SLC44A4: variants seen among roughly 807,000 people sequenced by gnomAD.
The protein encoded by SLC44A4 is solute carrier family 44 member 4.
Under a neutral mutation model 97.0 loss-of-function variants are expected in SLC44A4, and 74 were observed. The observed-to-expected ratio is 0.76, with a 90% confidence interval of 0.63 to 0.93. SLC44A4 has a LOEUF of 0.93. SLC44A4 is among the 40% of genes least tolerant of loss of function. The pLI, the probability that SLC44A4 is intolerant of heterozygous loss-of-function variation, is 0.00. For missense variants in SLC44A4, 799 were observed against 902.9 expected, an observed-to-expected ratio of 0.88 and a Z score of 1.48; for synonymous variants, 325 against 363.8, an observed-to-expected ratio of 0.89 and a Z score of 1.21.
In SLC44A4 at chr6:31,863,889, C is replaced by T. The variant is rs536475545; in HGVS notation, c.2012-141G>A. The T allele has an allele frequency of 1.4e-4, 153 of 1,101,722 alleles. No homozygotes were observed. In the African/African-American group the frequency reaches 2.1e-3, roughly 15 times the overall value. The allele number at this position is 1,101,722 out of a possible 1,614,324, so 68.2% of individuals were successfully genotyped here. A position where few individuals can be genotyped will look rare whatever the true frequency, so the allele number is the denominator to read the frequency against. ...GCAGGTTATGTAATCTCAGTTTCCTCCTGTGAAGTGGGGTCGGGAATATTA... is the reference window on the plus strand; with the variant it reads ...GCAGGTTATGTAATCTCAGTTTCCTTCTGTGAAGTGGGGTCGGGAATATTA... On this transcript the variant is annotated intron_variant, in intron 20 of 20. Coordinates refer to ENST00000229729, the MANE Select transcript of SLC44A4 (RefSeq NM_025257.3).
In SLC44A4 at chr6:31,865,047, C is replaced by A. The variant is rs1250224502; in HGVS notation, c.1794G>T (p.Leu598=). 6.2e-7 allele frequency: 1 copy of A among 1,613,508 alleles called. No homozygotes were observed. The highest frequency in any genetic ancestry group is 2.2e-5 in the East Asian group (1 of 44,906). ...CCACCAGCAGCTTCCCAAAGAACAGCAGCAGGTCTGTGACTTTGTCCAGGA... is the reference window on the plus strand; with the variant it reads ...CCACCAGCAGCTTCCCAAAGAACAGAAGCAGGTCTGTGACTTTGTCCAGGA... ...VVVLDKVTDL[L]LFFGKLLVVG... Residue 598 remains leucine (L), a synonymous_variant, in exon 18 of 21, where the codon CTG becomes CTT. Coordinates refer to ENST00000229729, the MANE Select transcript of SLC44A4 (RefSeq NM_025257.3). The surrounding 1 kb of genome is among the most constrained non-coding windows in gnomAD (Gnocchi z 5.2).
chr6:31,877,049 C>A lies in SLC44A4; in HGVS notation c.74G>T (p.Gly25Val). ...KPVKYDPSFRGPIKNRSCTDV... is the reference protein window; with the variant it reads ...KPVKYDPSFRVPIKNRSCTDV... Reference sequence around the variant, plus strand: ...CAGAGCTCACCTGTTCTTGATGGGGCCTCGAAAGGAGGGGTCGTATTTGAC... The same window carrying A: ...CAGAGCTCACCTGTTCTTGATGGGGACTCGAAAGGAGGGGTCGTATTTGAC... The change falls in exon 2 of 21, where the codon GGC (glycine) becomes GTC (valine). Residue 25 changes from glycine to valine, a missense_variant. Around this residue, in one of 3 missense-constraint regions of SLC44A4, gnomAD observed 409 missense variants for 434.1 expected, o/e 0.94. Coordinates refer to ENST00000229729, the MANE Select transcript of SLC44A4 (RefSeq NM_025257.3). This position sits in a 1 kb window ranked among gnomAD's most constrained non-coding sequence, Gnocchi z 6.5. 6.2e-7 allele frequency: 1 copy of A among 1,609,794 alleles called. No individual in the cohort carries two copies. Among genetic ancestry groups the A allele is most frequent in the Admixed American group, 1.7e-5 (1 of 59,498 alleles).
chr6:31,865,735 G>A lies in SLC44A4; in HGVS notation c.1537C>T (p.Gln513Ter). 6.2e-7 allele frequency: 1 copy of A among 1,613,634 alleles called. No homozygotes were observed. Among genetic ancestry groups the A allele is most frequent in the Non-Finnish European group, 8.5e-7 (1 of 1,179,954 alleles). ...TACTCCAAGATGACCCGGGCTATCT[G>A]CACAAGGGTCAGGATGAGGGCTCCA... is the stretch of plus-strand genomic sequence containing the variant. ...AFGALILTLV[Q>*]IARVILEYID... Residue 513 changes from glutamine (Q) to a stop codon, truncating the protein, a stop_gained, in exon 15 of 21, where the codon CAG becomes TAG. Coordinates refer to ENST00000229729, the MANE Select transcript of SLC44A4 (RefSeq NM_025257.3). LOFTEE classifies it high-confidence loss of function. The surrounding 1 kb of genome is among the most constrained non-coding windows in gnomAD (Gnocchi z 5.2).
intron 13 of SLC44A4, among the ~76,000 whole-genome samples, chr6:31,868,442 C>T (rs1459277559): frequency 1.3e-5 from 2 of 152,194 alleles, no homozygotes; most frequent in Non-Finnish European, 2.9e-5. Flanking sequence ...TTCATCTTCT[C>T]AGCCACCCCA....
At chr6:31,864,594 A>T in intron 20 of SLC44A4, 58 bp downstream of exon 20, 1 of 1,488,066 alleles carries the variant, frequency 6.7e-7, no homozygotes, top group Non-Finnish European at 9.2e-7. Context: ...AAAAAAAAAA[A>T]TGCTTGAACG....
chr6:31,870,550 C>T (rs1763098227), intron 11 of SLC44A4, 53 bp downstream of exon 11: 1 of 1,466,468 alleles, frequency 6.8e-7, no homozygotes, highest in Non-Finnish European at 9.3e-7. Flanking sequence ...TCCCCTAGCA[C>T]TCCTGGGTCC....
chr6:31,877,225 A>G lies in SLC44A4; in HGVS notation c.41-143T>C. The G allele has an allele frequency of 1.2e-6, 1 of 810,850 alleles. No homozygotes were observed. Among genetic ancestry groups the G allele is most frequent in the Non-Finnish European group, 2.0e-6 (1 of 510,908 alleles). The allele number at this position is 810,850 out of a possible 1,614,324, so 50.2% of individuals were successfully genotyped here. Reference sequence around the variant, plus strand: ...AGGGCAGGACTGGCAGGAGGGGAAAACTGGGGAGCAGGAAAGGTAGGATCC... The same window carrying G: ...AGGGCAGGACTGGCAGGAGGGGAAAGCTGGGGAGCAGGAAAGGTAGGATCC... On this transcript the variant is annotated intron_variant, in intron 1 of 20. Coordinates refer to ENST00000229729, the MANE Select transcript of SLC44A4 (RefSeq NM_025257.3). This position sits in a 1 kb window ranked among gnomAD's most constrained non-coding sequence, Gnocchi z 6.5.
chr6:31,868,605 C>T (rs1762982689), intron 13 of SLC44A4, among the ~76,000 whole-genome samples: 2 of 152,096 alleles, frequency 1.3e-5, no homozygotes, highest in South Asian at 2.1e-4. Flanking sequence ...AAGACCAGCC[C>T]GGGTAACACA....
chr6:31,870,846 G>C lies in SLC44A4; in HGVS notation c.903C>G (p.Ala301=), dbSNP rs1205674380. The C allele has an allele frequency of 1.9e-6, 3 of 1,612,960 alleles. No homozygotes were observed. The Admixed American group carries it at 5.0e-5, about 27-fold the overall frequency. Residue 301 remains alanine (A), a synonymous_variant, in exon 10 of 21, where the codon GCC becomes GCG. Transcript: ENST00000229729. ...SQLGFTTNLS[A]YQSVQETWLA... is the part of the protein sequence containing the mutation. ...GCCAGGTCTCCTGCACGCTCTGGTA[G>C]GCACTGAGGTTGGTGGTGAAACCCA... is the stretch of plus-strand genomic sequence containing the variant.
Position 31,876,163 on chromosome 6 carries a change from G to A in SLC44A4, c.90-34C>T. 1 of 1,573,560 alleles carries A rather than the reference G, an allele frequency of 6.4e-7. No homozygotes were observed. Among genetic ancestry groups the A allele is most frequent in the Non-Finnish European group, 8.7e-7 (1 of 1,150,948 alleles). On this transcript the variant is annotated intron_variant, in intron 2 of 20. Coordinates refer to ENST00000229729, the MANE Select transcript of SLC44A4 (RefSeq NM_025257.3). This position sits in a 1 kb window ranked among gnomAD's most constrained non-coding sequence, Gnocchi z 4.8. ...GAAACGAAACGGGAGGCTGAGCTAAGGAGACTTGGGGAGGTAGGGCTTATG... is the reference window on the plus strand; with the variant it reads ...GAAACGAAACGGGAGGCTGAGCTAAAGAGACTTGGGGAGGTAGGGCTTATG...
Position 31,869,160 on chromosome 6 carries a change from G to A in SLC44A4, c.1228C>T (p.Pro410Ser). ...TGTCCCCTGCTTCCTCTTACCGTGGGGTTGCATGATGTATTTATTGGCACT... is the reference window on the plus strand; with the variant it reads ...TGTCCCCTGCTTCCTCTTACCGTGGAGTTGCATGATGTATTTATTGGCACT... ...EKVPINTSCN[P>S]TAHLVNSSCP... The change falls in exon 13 of 21, where the codon CCC becomes TCC. Residue 410 changes from proline to serine, a missense_variant. Physicochemically the swap from Pro to Ser is moderately conservative, Grantham distance 74. Coordinates refer to ENST00000229729, the MANE Select transcript of SLC44A4 (RefSeq NM_025257.3). 6.2e-7 allele frequency: 1 copy of A among 1,606,418 alleles called. No homozygotes were observed. Among genetic ancestry groups the A allele is most frequent in the Non-Finnish European group, 8.5e-7 (1 of 1,176,530 alleles).
At chr6:31,869,035 TG>T in intron 13 of SLC44A4, 119 bp downstream of exon 13, 1 of 751,584 alleles carries the variant, frequency 1.3e-6, no homozygotes. Flanking sequence ...GTTGAGTGTG[TG>T]ACCTTGCACA....
At chr6:31,875,797 C>T in intron 4 of SLC44A4, 55 bp downstream of exon 4, 1 of 1,495,712 alleles carries the variant, frequency 6.7e-7, no homozygotes, top group South Asian at 1.2e-5. Flanking sequence ...GGGGTGTCTC[C>T]TGCCCACCCT....
At position 31,864,866 on chromosome 6, in the gene SLC44A4, C is replaced by T. The variant is rs767474085; in HGVS notation, c.1876G>A (p.Gly626Ser). The change falls in exon 19 of 21, where the codon GGT becomes AGT. Residue 626 changes from glycine (G) to serine (S), a missense_variant. By Grantham distance (56) the Gly-to-Ser change is moderately conservative (BLOSUM62 0). Coordinates refer to ENST00000229729, the MANE Select transcript of SLC44A4 (RefSeq NM_025257.3). The part of the protein sequence containing the change: ...FFFSGRIPGL[G>S]KDFKSPHLNY... ...AGGTGGGGGCTCTTAAAGTCTTTAC[C>T]CAGCCCCGGGATGCGACCGGAGAAA... 1 of 1,613,996 alleles carries T rather than the reference C, an allele frequency of 6.2e-7. No individual in the cohort carries two copies. The highest frequency in any genetic ancestry group is 1.1e-5 in the South Asian group (1 of 91,084).
chr6:31,869,571 G>T lies in SLC44A4; in HGVS notation c.1104C>A (p.Cys368Ter). ...GAGCAGTCATGGCCCAGTAGGCAAT[G>T]CAGATGAGGAGGAGGACAAAGGTGA... ...PLVTFVLLLI[C>*]IAYWAMTALY... Residue 368 changes from cysteine (C) to a stop codon, truncating the protein, a stop_gained, in exon 12 of 21, where the codon TGC (cysteine) becomes TGA (stop). Transcript: ENST00000229729. LOFTEE classifies it high-confidence loss of function. 6.2e-7 allele frequency: 1 copy of T among 1,606,128 alleles called. No homozygotes were observed. Among genetic ancestry groups the T allele is most frequent in the Admixed American group, 1.7e-5 (1 of 58,946 alleles).
At chr6:31,867,399 C>T (rs1056556374) in intron 13 of SLC44A4, among the ~76,000 whole-genome samples, 4 of 151,956 alleles carry the variant, frequency 2.6e-5, no homozygotes, top group Non-Finnish European at 5.9e-5. Context: ...GGCCTTCTGT[C>T]AGTCTTTACT....
intron 13 of SLC44A4, 51 bp downstream of exon 13, chr6:31,869,104 C>T: frequency 2.7e-6 from 4 of 1,460,294 alleles, no homozygotes; most frequent in Admixed American, 2.0e-5. Context: ...GTGGCCCCTA[C>T]AGCCCCTCAC....
At position 31,876,098 on chromosome 6, in the gene SLC44A4, A is replaced by G. The variant is rs1763429260; in HGVS notation, c.121T>C (p.Phe41Leu). The G allele has an allele frequency of 2.5e-6, 4 of 1,613,694 alleles. No homozygotes were observed. The highest frequency in any genetic ancestry group is 3.4e-6 in the Non-Finnish European group (4 of 1,179,918). ...SCTDVICCVL[F>L]LLFILGYIVV... ...ATGTAACCTAGAATGAAGAGCAGGA[A>G]GAGGACGCAGCAGATGACATCTGTG... The change falls in exon 3 of 21, where the codon TTC (phenylalanine) becomes CTC (leucine). Residue 41 changes from phenylalanine (F) to leucine (L), a missense_variant. This residue lies in a region of SLC44A4 where 409 missense variants were observed against 434.1 expected (regional missense o/e 0.94). Coordinates refer to ENST00000229729, the MANE Select transcript of SLC44A4 (RefSeq NM_025257.3). This position sits in a 1 kb window ranked among gnomAD's most constrained non-coding sequence, Gnocchi z 4.8.
In SLC44A4 at chr6:31,865,386, G is replaced by A; in HGVS notation, c.1689C>T (p.Ile563=). 4 of 1,614,014 alleles carry A rather than the reference G, an allele frequency of 2.5e-6. No homozygotes were observed. Among genetic ancestry groups the A allele is most frequent in the South Asian group, 1.1e-5 (1 of 91,078 alleles). The part of the protein sequence containing the change: ...KFLNRNAYIM[I]AIYGKNFCVS... ...CACAGAAATTCTTCCCGTAGATGGCGATCTGAGGGAGGTGGAAAGGTCAGA... is the reference window on the plus strand; with the variant it reads ...CACAGAAATTCTTCCCGTAGATGGCAATCTGAGGGAGGTGGAAAGGTCAGA... The change falls in exon 17 of 21, where the codon ATC becomes ATT. Residue 563 remains isoleucine, a splice_region_variant and synonymous_variant. Transcript: ENST00000229729. The surrounding 1 kb of genome is among the most constrained non-coding windows in gnomAD (Gnocchi z 5.2).
Sources: gnomAD v4.1 joint callset for allele counts (sites outside exome capture counted in the v4.1 genomes callset) on GRCh38, gnomAD v4.1.1 for gene constraint, gnomAD v4.1.1 regional missense constraint, Gnocchi (gnomAD v3.1) non-coding constraint, MANE v1.5 for transcripts, NCBI Gene and HGNC (gene_info 2026-07-23, HGNC 2026-07-21) for gene names.